Variants in ADAMTSL1 observed in about 807,000 individuals in gnomAD.
The protein encoded by ADAMTSL1 is ADAMTS like 1.
In ADAMTSL1, 126 loss-of-function variants were observed where a neutral mutation model predicts 201.8. That is an observed-to-expected ratio of 0.62 (90% CI 0.54 to 0.72). ADAMTSL1 has a LOEUF of 0.72. Among genes scored for constraint, ADAMTSL1 ranks in the 30% least tolerant of loss-of-function variants. ADAMTSL1 has a pLI of 0.00. For synonymous variants in ADAMTSL1, 1,121 were observed against 903.4 expected, an observed-to-expected ratio of 1.24 and a Z score of -4.32; for missense variants, 2,679 against 2,277.8, an observed-to-expected ratio of 1.18 and a Z score of -3.59.
In ADAMTSL1 at chr9:18,368,786, A is replaced by G. The variant is rs147438546; in HGVS notation, c.208-136043A>G. 5.6e-3 allele frequency among the ~76,000 whole-genome samples: 857 copies of G among 152,348 alleles called. 9 individuals carry two copies. Among genetic ancestry groups the G allele is most frequent in the African/African-American group, 0.02 (828 of 41,582 alleles). On this transcript the variant is annotated intron_variant, in intron 2 of 29. Coordinates refer to the ADAMTSL1 transcript ENST00000680146. ...AGCCCATGTTATGATCATTTCAGTAACATTCATTTACTGCAGATATGTAAA... is the reference window on the plus strand; with the variant it reads ...AGCCCATGTTATGATCATTTCAGTAGCATTCATTTACTGCAGATATGTAAA...
chr9:18,687,768 G>A (rs941219393), intron 13 of ADAMTSL1, among the ~76,000 whole-genome samples: 1 of 152,132 alleles, frequency 6.6e-6, no homozygotes, highest in African/African-American at 2.4e-5. Flanking sequence ...GCTTTAAGAT[G>A]TTTAGAAGAA....
intron 20 of ADAMTSL1, among the ~76,000 whole-genome samples, chr9:18,813,187 A>G (rs913983086): frequency 3.3e-5 from 5 of 152,012 alleles, no homozygotes; most frequent in Non-Finnish European, 7.4e-5. Context: ...CAATGGTCTC[A>G]GTCTCTTGAC....
chr9:18,892,273 A>G, intron 25 of ADAMTSL1, 116 bp from the exon 26 acceptor site: 1 of 993,482 alleles, frequency 1.0e-6, no homozygotes, highest in South Asian at 1.7e-5. Flanking sequence ...TAAATACTGT[A>G]AAAAGGGCCT....
chr9:18,613,818 T>C (rs1343328150), intron 4 of ADAMTSL1, among the ~76,000 whole-genome samples: 2 of 152,068 alleles, frequency 1.3e-5, no homozygotes, highest in South Asian at 2.1e-4. Flanking sequence ...ATCTGTACAA[T>C]ATAGCCCACG....
intron 1 of ADAMTSL1, among the ~76,000 whole-genome samples, chr9:18,078,224 A>AT (rs571353273): frequency 6.6e-6 from 1 of 152,098 alleles, no homozygotes; most frequent in East Asian, 1.9e-4. Context: ...AAATAAAACA[A>AT]TTTTTTTCTC....
chr9:18,851,431 T>G (rs781165865), intron 23 of ADAMTSL1, among the ~76,000 whole-genome samples: 5 of 152,186 alleles, frequency 3.3e-5, no homozygotes, highest in Non-Finnish European at 7.4e-5. Context: ...CTGCAGCAAC[T>G]TAATTCTTGC....
At chr9:18,150,754 A>T (rs969483989) in intron 1 of ADAMTSL1, among the ~76,000 whole-genome samples, 17 of 152,094 alleles carry the variant, frequency 1.1e-4, no homozygotes, top group African/African-American at 3.4e-4. Context: ...TGGGGACAGC[A>T]GTGGATGGAA....
chr9:17,985,156 C>T (rs534568970), intron 1 of ADAMTSL1, among the ~76,000 whole-genome samples: 1 of 152,098 alleles, frequency 6.6e-6, no homozygotes, highest in Non-Finnish European at 1.5e-5. Context: ...TTGCTTGAGA[C>T]TTCACTCTGA....
chr9:18,511,786 T>C (rs1357806706), intron 2 of ADAMTSL1, among the ~76,000 whole-genome samples: 1 of 152,214 alleles, frequency 6.6e-6, no homozygotes, highest in Non-Finnish European at 1.5e-5. Context: ...CTATACCGTA[T>C]AATAATAAAT....
At chr9:18,805,425 C>G (rs1588139694) in intron 20 of ADAMTSL1, among the ~76,000 whole-genome samples, 1 of 152,336 alleles carries the variant, frequency 6.6e-6, no homozygotes. Flanking sequence ...GGTCCCAGCA[C>G]TGCTCCTCAC....
intron 2 of ADAMTSL1, among the ~76,000 whole-genome samples, chr9:18,441,204 A>C (rs1406713762): frequency 6.6e-6 from 1 of 152,068 alleles, no homozygotes; most frequent in East Asian, 1.9e-4. Context: ...GGGTAATAAG[A>C]ATGTTATGGA....
rs1051340507 is a variant in ADAMTSL1 at position 18,286,555 on chromosome 9, T to TTCTA, written c.207+122576_207+122579dup. ...GATAATGATAGTAGATACTTTGTGT[T>TTCTA]TCTATAGCAGTTTATGGTTTTCAGA... is the stretch of plus-strand genomic sequence containing the variant. On this transcript the variant is annotated intron_variant, in intron 2 of 29. Transcript: ENST00000680146. 2.9e-4 allele frequency among the ~76,000 whole-genome samples: 35 copies of TTCTA among 120,728 alleles called. 6 individuals are homozygous for TTCTA. The highest frequency in any genetic ancestry group is 7.1e-4 in the South Asian group (2 of 2,798). The allele number at this position is 120,728 out of a possible 152,430, so 79.2% of individuals were successfully genotyped here.
At chr9:18,738,972 A>G (rs7032842) in intron 15 of ADAMTSL1, among the ~76,000 whole-genome samples, 37,963 of 152,098 alleles carry the variant, frequency 0.25, 5,685 homozygotes, top group South Asian at 0.41. Context: ...GAAAAACACA[A>G]TTAAGAACTC....
At chr9:17,979,893 T>C (rs372023589) in intron 1 of ADAMTSL1, among the ~76,000 whole-genome samples, 1 of 152,082 alleles carries the variant, frequency 6.6e-6, no homozygotes, top group African/African-American at 2.4e-5. Context: ...CCTGAGTTAA[T>C]GGGTGGGTAG....
chr9:18,219,962 G>A (rs1455078873), intron 2 of ADAMTSL1, among the ~76,000 whole-genome samples: 2 of 151,674 alleles, frequency 1.3e-5, no homozygotes, highest in South Asian at 2.1e-4. Flanking sequence ...GGACAGTTTT[G>A]TATCTTCTTT....
chr9:18,671,469 C>T (rs10811008), intron 9 of ADAMTSL1, among the ~76,000 whole-genome samples: 58,951 of 151,860 alleles, frequency 0.39, 11,827 homozygotes, highest in East Asian at 0.7. Flanking sequence ...TTGCTGGTGT[C>T]GAGATGACAA....
At chr9:17,908,531 A>C (rs1371172041) in intron 1 of ADAMTSL1, among the ~76,000 whole-genome samples, 1 of 151,490 alleles carries the variant, frequency 6.6e-6, no homozygotes, top group Non-Finnish European at 1.5e-5. Flanking sequence ...ACCTCGGCTC[A>C]CTGCAACCTC....
chr9:18,219,229 A>T (rs540304279), intron 2 of ADAMTSL1, among the ~76,000 whole-genome samples: 1 of 152,020 alleles, frequency 6.6e-6, no homozygotes, highest in East Asian at 1.9e-4. Context: ...ATTCTAGAAA[A>T]AACTCTTTTG....
chr9:18,539,361 C>A (rs1383047967), intron 3 of ADAMTSL1, among the ~76,000 whole-genome samples: 1 of 152,122 alleles, frequency 6.6e-6, no homozygotes. Flanking sequence ...CGCACGCTAT[C>A]AGTATGGAGG....
Sources: gnomAD v4.1 joint callset for allele counts (sites outside exome capture counted in the v4.1 genomes callset) on GRCh38, gnomAD v4.1.1 for gene constraint, MANE v1.5 for transcripts, NCBI Gene and HGNC (gene_info 2026-07-23, HGNC 2026-07-21) for gene names.